CALN1: variants seen among roughly 807,000 people sequenced by gnomAD.
The protein encoded by CALN1 is calneuron 1.
In CALN1, 17 loss-of-function variants were observed where a neutral mutation model predicts 30.6. The ratio of observed to expected loss-of-function variants is 0.56; its 90% confidence interval spans 0.38 to 0.83. The LOEUF (loss-of-function observed/expected upper bound fraction) is 0.83, where lower values mean the gene tolerates loss of function less well. Among genes scored for constraint, CALN1 ranks in the 40% least tolerant of loss-of-function variants. The probability of loss-of-function intolerance (pLI) is 0.00; values close to 1 mark genes in which losing one functional copy is unlikely to be tolerated. For synonymous variants in CALN1, 156 were observed against 131.4 expected (o/e 1.19, Z -1.28); for missense variants, 291 against 354.9 (o/e 0.82, Z 1.45).
intron 2 of CALN1, among the ~76,000 whole-genome samples, chr7:72,304,182 G>T (rs1487952999): frequency 1.3e-5 from 2 of 152,206 alleles, no homozygotes; most frequent in Non-Finnish European, 2.9e-5. Context: ...AAAGACTTAA[G>T]TTTATAAGCT....
At chr7:71,863,295 C>T (rs1332868218) in intron 5 of CALN1, among the ~76,000 whole-genome samples, 1 of 151,668 alleles carries the variant, frequency 6.6e-6, no homozygotes, top group Non-Finnish European at 1.5e-5. Flanking sequence ...CAGTGGCTCA[C>T]ATCTGTAATC....
At chr7:71,879,606 G>T (rs1283312530) in intron 5 of CALN1, among the ~76,000 whole-genome samples, 1 of 152,212 alleles carries the variant, frequency 6.6e-6, no homozygotes, top group Non-Finnish European at 1.5e-5. Flanking sequence ...TGGCAGACCA[G>T]TTTTTTCTCA....
At chr7:72,118,947 T>G (rs1808190102) in intron 3 of CALN1, among the ~76,000 whole-genome samples, 1 of 152,188 alleles carries the variant, frequency 6.6e-6, no homozygotes, top group Non-Finnish European at 1.5e-5. Flanking sequence ...GAATGGGTTT[T>G]AAAAATCAAA....
At chr7:71,827,811 T>TAAATAAATAAAA (rs1789018567) in intron 5 of CALN1, among the ~76,000 whole-genome samples, 2 of 145,744 alleles carry the variant, frequency 1.4e-5, no homozygotes, top group African/African-American at 5.0e-5. Context: ...AATAAATAAA[T>TAAATAAATAAAA]AAGGACTCCA....
At chr7:72,442,726 G>A (rs1480276215) in intron 1 of CALN1, among the ~76,000 whole-genome samples, 1 of 151,690 alleles carries the variant, frequency 6.6e-6, no homozygotes, top group Non-Finnish European at 1.5e-5. Context: ...ATTTTATTAA[G>A]GGTTGCAATT....
chr7:72,403,672 G>A lies in CALN1; in HGVS notation c.-73-230C>T, dbSNP rs143329690. Among the ~76,000 whole-genome samples the A allele has an allele frequency of 4.2e-3, 639 of 152,322 alleles. 7 individuals are homozygous for A. The highest frequency in any genetic ancestry group is 0.015 in the African/African-American group (612 of 41,562). On this transcript the variant is annotated intron_variant, in intron 1 of 6. Coordinates refer to ENST00000395275, the MANE Select transcript of CALN1 (RefSeq NM_031468.4). ...CACAACAAGCCAATAATGGGCTTTTGGAGCCAACCTTAATATTTACAGGTA... is the reference window on the plus strand; with the variant it reads ...CACAACAAGCCAATAATGGGCTTTTAGAGCCAACCTTAATATTTACAGGTA...
intron 4 of CALN1, among the ~76,000 whole-genome samples, chr7:72,043,217 C>T (rs955882390): frequency 2.6e-4 from 39 of 152,120 alleles, no homozygotes; most frequent in Non-Finnish European, 8.8e-5. Flanking sequence ...TGGAATTTTA[C>T]ATTCAGCAGG....
At chr7:72,322,935 A>G (rs926502719) in intron 2 of CALN1, among the ~76,000 whole-genome samples, 7 of 151,826 alleles carry the variant, frequency 4.6e-5, no homozygotes, top group Non-Finnish European at 8.8e-5. Context: ...ATGTACCCAC[A>G]AAAATCAAAA....
intron 1 of CALN1, among the ~76,000 whole-genome samples, chr7:72,422,944 C>T (rs1008036827): frequency 3.3e-5 from 5 of 152,098 alleles, no homozygotes; most frequent in Non-Finnish European, 7.4e-5. Context: ...GCCTGGCCAA[C>T]ACGGCGAAAC....
chr7:72,003,106 T>G (rs989234322), intron 5 of CALN1, among the ~76,000 whole-genome samples: 3 of 152,236 alleles, frequency 2.0e-5, no homozygotes, highest in Non-Finnish European at 2.9e-5. Context: ...CATTCCACAA[T>G]GTATACAGAT....
intron 5 of CALN1, among the ~76,000 whole-genome samples, chr7:71,830,561 C>T (rs183612969): frequency 4.1e-5 from 6 of 146,606 alleles, no homozygotes; most frequent in African/African-American, 7.6e-5. Flanking sequence ...TTGTCCAGGC[C>T]GGTCTTGAAC....
intron 3 of CALN1, among the ~76,000 whole-genome samples, chr7:72,202,288 T>A (rs980823176): frequency 2.0e-5 from 3 of 151,958 alleles, no homozygotes; most frequent in Non-Finnish European, 2.9e-5. Context: ...GATAAAAGAA[T>A]GAAAGTAATG....
At chr7:72,134,360 C>A (rs1809362864) in intron 3 of CALN1, among the ~76,000 whole-genome samples, 1 of 152,130 alleles carries the variant, frequency 6.6e-6, no homozygotes, top group African/African-American at 2.4e-5. Context: ...AAACAAAACA[C>A]AAAACCTAAG....
chr7:72,020,429 C>CTGGAA (rs1800637864), intron 5 of CALN1, among the ~76,000 whole-genome samples: 1 of 152,210 alleles, frequency 6.6e-6, no homozygotes, highest in South Asian at 2.1e-4. Flanking sequence ...TTTCCAGAAA[C>CTGGAA]AAGCCAATGC....
chr7:71,958,421 C>G (rs867289573), intron 5 of CALN1, among the ~76,000 whole-genome samples: 2 of 152,178 alleles, frequency 1.3e-5, no homozygotes, highest in African/African-American at 4.8e-5. Flanking sequence ...TAAGACACAA[C>G]AGACAACTCA....
chr7:72,312,744 A>T (rs986013945), intron 2 of CALN1, among the ~76,000 whole-genome samples: 1 of 152,238 alleles, frequency 6.6e-6, no homozygotes, highest in Non-Finnish European at 1.5e-5. Context: ...CTAGAAAAAT[A>T]GTGACCACAA....
rs1227601178 is a variant in CALN1 at position 72,138,052 on chromosome 7, CTTAA to C, written c.245-31762_245-31759del. On this transcript the variant is annotated intron_variant, in intron 3 of 6. Coordinates refer to ENST00000395275, the MANE Select transcript of CALN1 (RefSeq NM_031468.4). Reference sequence around the variant, plus strand: ...ATGAAAATAGACTATGGGATGGCAACTTAATTATATCCATGTGGTGAAATATTAC... The same window carrying C: ...ATGAAAATAGACTATGGGATGGCAACTTATATCCATGTGGTGAAATATTAC... 2.6e-5 allele frequency among the ~76,000 whole-genome samples: 4 copies of C among 152,080 alleles called. 1 individual carries two copies. The highest frequency in any genetic ancestry group is 4.4e-5 in the Non-Finnish European group (3 of 68,020).
intron 4 of CALN1, among the ~76,000 whole-genome samples, chr7:72,047,614 G>A (rs1175028350): frequency 6.6e-6 from 1 of 152,142 alleles, no homozygotes; most frequent in Non-Finnish European, 1.5e-5. Flanking sequence ...AAAAGAAAAT[G>A]AGCCTGGCTT....
intron 5 of CALN1, among the ~76,000 whole-genome samples, chr7:71,873,266 C>T (rs1162684932): frequency 6.6e-6 from 1 of 151,992 alleles, no homozygotes; most frequent in East Asian, 1.9e-4. Flanking sequence ...TCTCAGGCTC[C>T]CAAAGTGCTG....
Sources: allele counts gnomAD v4.1 joint callset (sites outside exome capture counted in the v4.1 genomes callset), GRCh38; gene constraint gnomAD v4.1.1; transcripts MANE v1.5; gene names NCBI Gene and HGNC (gene_info 2026-07-23, HGNC 2026-07-21).